The following PRTN3 variants were observed in gnomAD, a reference collection of about 807,000 sequenced individuals.
The protein encoded by PRTN3 is myeloblastin.
In PRTN3, 22 loss-of-function variants were observed where a neutral mutation model predicts 20.7. The observed-to-expected ratio is 1.06, with a 90% CI of 0.76 to 1.52. The LOEUF (loss-of-function observed/expected upper bound fraction) is 1.52. Ranked by LOEUF, PRTN3 falls within the 40% of genes most tolerant of loss-of-function variation. The probability of loss-of-function intolerance (pLI) is 0.00; values close to 1 mark genes in which losing one functional copy is unlikely to be tolerated. For synonymous variants in PRTN3, 173 were observed against 152.9 expected (o/e 1.13, Z -0.97); for missense variants, 378 against 359.6 (o/e 1.05, Z -0.41).
rs371384666 is a variant in PRTN3, at chr19:847,918, G to C, written c.720G>C (p.Val240=). The change falls in exon 5 of 5, where the codon GTG becomes GTC. Residue 240 remains valine, a synonymous_variant. Transcript: ENST00000234347. ...TCTTCACGCGGGTAGCCCTCTACGT[G>C]GACTGGATCCGTTCCACGCTGCGCC... ...PDFFTRVALY[V]DWIRSTLRRV... is the part of the protein sequence containing the mutation. 88 of 1,608,098 alleles carry C rather than the reference G, an allele frequency of 5.5e-5. 1 individual carries two copies. In the East Asian group the frequency reaches 1.7e-3, roughly 30 times the overall value.
At chr19:841,623 A>C (rs2035441447) in intron 1 of PRTN3, among the ~76,000 whole-genome samples, 1 of 151,500 alleles carries the variant, frequency 6.6e-6, no homozygotes, top group African/African-American at 2.4e-5. Flanking sequence ...TGAATGAATG[A>C]GTGAGTGAGT....
At chr19:846,011 T>C in intron 3 of PRTN3, 136 bp from the exon 4 acceptor site, 1 of 545,712 alleles carries the variant, frequency 1.8e-6, no homozygotes, top group South Asian at 2.9e-5. Flanking sequence ...ACAAAGGGGG[T>C]CGTGGGGCCC....
Position 846,361 on chromosome 19 carries a change from AGGCC to A in PRTN3, c.588_591del (p.Gly197SerfsTer10). On this transcript the variant is annotated frameshift_variant, in exon 4 of 5. Transcript: ENST00000234347. LOFTEE classifies it low-confidence loss of function (END_TRUNC). ...ATTTGCACTTTCGTCCCTCGCCGCAAGGCCGGCATCTGCTTCGTAAGTAACCGTG... is the reference window on the plus strand; with the variant it reads ...ATTTGCACTTTCGTCCCTCGCCGCAAGGCATCTGCTTCGTAAGTAACCGTG... 6.4e-7 allele frequency: 1 copy of A among 1,557,950 alleles called. No individual in the cohort carries two copies. Among genetic ancestry groups the A allele is most frequent in the Middle Eastern group, 1.7e-4 (1 of 5,988 alleles).
chr19:847,287 AC>A (rs2035528598), intron 4 of PRTN3, among the ~76,000 whole-genome samples: 1 of 152,018 alleles, frequency 6.6e-6, no homozygotes, highest in Non-Finnish European at 1.5e-5. Flanking sequence ...AGCCTGGAGA[AC>A]AGAGCGAGAC....
rs983105641 is a variant in PRTN3 at position 848,094 on chromosome 19, C to G, written c.*125C>G. 5.7e-6 allele frequency: 7 copies of G among 1,220,320 alleles called. No individual in the cohort carries two copies. The highest frequency in any genetic ancestry group is 2.6e-5 in the East Asian group (1 of 38,990). 75.6% of individuals were successfully genotyped at this position (1,220,320 alleles called of 1,614,324 possible). A position where few individuals can be genotyped will look rare whatever the true frequency, so the allele number is the denominator to read the frequency against. On this transcript the variant is annotated 3_prime_UTR_variant, in exon 5 of 5. Coordinates refer to ENST00000234347, the MANE Select transcript of PRTN3 (RefSeq NM_002777.4). Reference sequence around the variant, plus strand: ...TCCGGGACGGCCCCACCCGTCCCCCCACACTCCCTCCCACGGGGCTCCGGG... The same window carrying G: ...TCCGGGACGGCCCCACCCGTCCCCCGACACTCCCTCCCACGGGGCTCCGGG...
At chr19:847,077 G>A (rs1022810309) in intron 4 of PRTN3, among the ~76,000 whole-genome samples, 7 of 152,226 alleles carry the variant, frequency 4.6e-5, no homozygotes, top group Non-Finnish European at 5.9e-5. Flanking sequence ...AGGCCAAAGC[G>A]GAAGGATCTT....
intron 3 of PRTN3, 61 bp from the exon 4 acceptor site, chr19:846,086 G>A (rs1376025253): frequency 6.9e-6 from 9 of 1,299,580 alleles, no homozygotes; most frequent in South Asian, 5.0e-5. Context: ...GTGGGAGGGC[G>A]GCCCGGGCGG....
At chr19:844,281 C>CGCCCGCGCCTCTCCCCG (rs2035487282) in intron 3 of PRTN3, among the ~76,000 whole-genome samples, 1 of 68,828 alleles carries the variant, frequency 1.5e-5, no homozygotes, top group Non-Finnish European at 2.7e-5. Flanking sequence ...GCCTCTCCCC[C>CGCCCGCGCCTCTCCCCG]GCCCGCGCCT....
rs1204149252 is a variant in PRTN3, at chr19:843,574, A to G, written c.175A>G (p.Thr59Ala). The change falls in exon 2 of 5, where the codon ACC becomes GCC. Residue 59 changes from threonine to alanine, a missense_variant. Transcript: ENST00000234347. Reference sequence around the variant, plus strand: ...CCCGGGCAGCCACTTCTGCGGAGGCACCTTGATCCACCCCAGCTTCGTGCT... The same window carrying G: ...CCCGGGCAGCCACTTCTGCGGAGGCGCCTTGATCCACCCCAGCTTCGTGCT... ...GNPGSHFCGG[T>A]LIHPSFVLTA... 4 of 1,602,246 alleles carry G rather than the reference A, an allele frequency of 2.5e-6. No homozygotes were observed. The African/African-American group carries it at 5.3e-5, about 21-fold the overall frequency.
rs1051573633 is a variant in PRTN3, at chr19:843,378, C to G, written c.62-83C>G. 13 of 1,389,016 alleles carry G rather than the reference C, an allele frequency of 9.4e-6. No homozygotes were observed. The East Asian group carries it at 2.2e-4, about 23-fold the overall frequency. 86.0% of individuals were successfully genotyped at this position (1,389,016 alleles called of 1,614,324 possible). A position where few individuals can be genotyped will look rare whatever the true frequency, so the allele number is the denominator to read the frequency against. On this transcript the variant is annotated intron_variant, in intron 1 of 4. Coordinates refer to ENST00000234347, the MANE Select transcript of PRTN3 (RefSeq NM_002777.4). Reference sequence around the variant, plus strand: ...GGTTGCAGATCGGGAGACGGAGGCTCGGAGAGGCCCAGGGGCTGCTCTGCC... The same window carrying G: ...GGTTGCAGATCGGGAGACGGAGGCTGGGAGAGGCCCAGGGGCTGCTCTGCC...
rs192837551 is a variant in PRTN3, at chr19:844,175, T to G, written c.369+141T>G. On this transcript the variant is annotated intron_variant, in intron 3 of 4. Transcript: ENST00000234347. ...CGCTGCAGCCTGGGTCCAGTGGCAC[T>G]GGCCGGGGGAGACCGCTCCTTGGAC... 3,584 of 1,157,232 alleles carry G rather than the reference T, an allele frequency of 3.1e-3. 113 individuals are homozygous for G. In the African/African-American group the frequency reaches 0.052, roughly 17 times the overall value. The allele number at this position is 1,157,232 out of a possible 1,614,324, so 71.7% of individuals were successfully genotyped here.
At position 841,052 on chromosome 19, in the gene PRTN3, T is replaced by A; in HGVS notation, c.44T>A (p.Leu15Gln). Residue 15 changes from leucine to glutamine, a missense_variant, in exon 1 of 5, where the codon CTG becomes CAG. Coordinates refer to ENST00000234347, the MANE Select transcript of PRTN3 (RefSeq NM_002777.4). ...AGCCCTGCCCTGGCGTCCGTGCTGC[T>A]GGCCTTGCTGCTGAGCGGTGAGTGA... ...PPSPALASVLLALLLSGAARA... is the reference protein window; with the variant it reads ...PPSPALASVLQALLLSGAARA... 6.2e-7 allele frequency: 1 copy of A among 1,607,214 alleles called. No homozygotes were observed. The highest frequency in any genetic ancestry group is 1.7e-5 in the Admixed American group (1 of 59,960).
At chr19:843,241 C>T in intron 1 of PRTN3, 7 of 562,272 alleles carry the variant, frequency 1.2e-5, no homozygotes, top group Middle Eastern at 9.4e-4. Flanking sequence ...TAAAAGCCTT[C>T]CTGACTCTCA....
chr19:846,206 C>A lies in PRTN3; in HGVS notation c.429C>A (p.Asp143Glu). The A allele has an allele frequency of 1.3e-6, 2 of 1,541,174 alleles. No individual in the cohort carries two copies. The highest frequency in any genetic ancestry group is 1.8e-6 in the Non-Finnish European group (2 of 1,141,996). ...SVATVQLPQQ[D>E]QPVPHGTQCL... ...CCACAGTCCAGCTGCCACAGCAGGA[C>A]CAGCCAGTGCCCCACGGCACCCAGT... The change falls in exon 4 of 5, where the codon GAC (aspartate) becomes GAA (glutamate). Residue 143 changes from aspartate (D) to glutamate (E), a missense_variant. Asp to Glu is a conservative substitution (Grantham distance 45, BLOSUM62 2). Coordinates refer to ENST00000234347, the MANE Select transcript of PRTN3 (RefSeq NM_002777.4).
chr19:841,731 CTTTTTTTT>C (rs555166102), intron 1 of PRTN3, among the ~76,000 whole-genome samples: 1 of 130,178 alleles, frequency 7.7e-6, no homozygotes, highest in African/African-American at 2.9e-5. Flanking sequence ...TTTTCTTTTT[CTTTTTTTT>C]TTTTTTGAGA....
At position 847,972 on chromosome 19, in the gene PRTN3, C is replaced by T. The variant is rs778728004; in HGVS notation, c.*3C>T. 39 of 1,596,552 alleles carry T rather than the reference C, an allele frequency of 2.4e-5. No individual in the cohort carries two copies. The highest frequency in any genetic ancestry group is 5.4e-5 in the African/African-American group (4 of 74,604). On this transcript the variant is annotated 3_prime_UTR_variant, in exon 5 of 5. Coordinates refer to ENST00000234347, the MANE Select transcript of PRTN3 (RefSeq NM_002777.4). Reference sequence around the variant, plus strand: ...TGGAGGCCAAGGGCCGCCCCTGAACCGCCCCTCCCACAGCGCTGGCCGGGA... The same window carrying T: ...TGGAGGCCAAGGGCCGCCCCTGAACTGCCCCTCCCACAGCGCTGGCCGGGA...
chr19:843,112 C>T (rs887673069), intron 1 of PRTN3, among the ~76,000 whole-genome samples: 4 of 151,918 alleles, frequency 2.6e-5, no homozygotes, highest in African/African-American at 9.7e-5. Flanking sequence ...ATGGGGTCCT[C>T]ACAATTTTGC....
Position 843,992 on chromosome 19 carries a change from C to T in PRTN3, c.327C>T (p.Asn109=), listed in dbSNP as rs1254065672. The T allele has an allele frequency of 6.2e-7, 1 of 1,606,864 alleles. No homozygotes were observed. Among genetic ancestry groups the T allele is most frequent in the Admixed American group, 1.7e-5 (1 of 59,178 alleles). The change falls in exon 3 of 5, where the codon AAC becomes AAT. Residue 109 remains asparagine (N), a synonymous_variant. Coordinates refer to ENST00000234347, the MANE Select transcript of PRTN3 (RefSeq NM_002777.4). Reference sequence around the variant, plus strand: ...CGGTGGCTCAGGTGTTTCTGAACAACTACGACGCGGAGAACAAACTGAACG... The same window carrying T: ...CGGTGGCTCAGGTGTTTCTGAACAATTACGACGCGGAGAACAAACTGAACG... The part of the protein sequence containing the change: ...HFSVAQVFLN[N]YDAENKLNDV...
rs546447242 is a variant in PRTN3 at position 847,434 on chromosome 19, C to T, written c.601-365C>T. 3.4e-5 allele frequency among the ~76,000 whole-genome samples: 5 copies of T among 147,144 alleles called. No individual in the cohort carries two copies. In the South Asian group the frequency reaches 8.6e-4, roughly 25 times the overall value. On this transcript the variant is annotated intron_variant, in intron 4 of 4. Transcript: ENST00000234347. ...CCTGGGTGACAGAGCGAGACTCTGT[C>T]GCAAACAAAACAAAAACAAAACAAA...
Sources: allele counts gnomAD v4.1 joint callset (sites outside exome capture counted in the v4.1 genomes callset), GRCh38; gene constraint gnomAD v4.1.1; transcripts MANE v1.5; gene names NCBI Gene and HGNC (gene_info 2026-07-23, HGNC 2026-07-21).